COP1: variants seen among roughly 807,000 people sequenced by gnomAD.
COP1 encodes the protein COP1 E3 ubiquitin ligase.
Under a neutral mutation model 101.3 loss-of-function variants are expected in COP1, and 24 were observed. The observed-to-expected ratio is 0.24, with a 90% confidence interval of 0.17 to 0.33. The LOEUF (loss-of-function observed/expected upper bound fraction) is 0.33, where lower values mean the gene tolerates loss of function less well. Among genes scored for constraint, COP1 ranks in the 10% least tolerant of loss-of-function variants. COP1 has a pLI of 1.00. For missense variants in COP1, 663 were observed against 906.2 expected, an observed-to-expected ratio of 0.73 and a Z score of 3.45; for synonymous variants, 347 against 341.9, an observed-to-expected ratio of 1.01 and a Z score of -0.17.
chr1:176,085,410 GTTCT>G (rs1233054462), intron 10 of COP1, among the ~76,000 whole-genome samples: 1 of 152,128 alleles, frequency 6.6e-6, no homozygotes, highest in Non-Finnish European at 1.5e-5. Flanking sequence ...ACAGAAACCA[GTTCT>G]TTCATCTTTT....
In COP1 at chr1:176,164,704, C is replaced by T. The variant is rs945740799; in HGVS notation, c.566-813G>A. On this transcript the variant is annotated intron_variant, in intron 3 of 19. Transcript: ENST00000367669. ...GAACAAGAGAAAGAACCTGACAATA[C>T]CACTGAACCACTGATAACTAGTTCT... is the stretch of plus-strand genomic sequence containing the variant. Among the ~76,000 whole-genome samples, 9 of 152,292 alleles carry T rather than the reference C, an allele frequency of 5.9e-5. 1 individual carries two copies. In the Middle Eastern group the frequency reaches 0.01, roughly 173 times the overall value.
chr1:176,113,925 T>C (rs1318300547), intron 9 of COP1, among the ~76,000 whole-genome samples: 7 of 146,204 alleles, frequency 4.8e-5, no homozygotes, highest in African/African-American at 1.0e-4. Flanking sequence ...GCAGCAACCA[T>C]TCACATTGGT....
intron 1 of COP1, among the ~76,000 whole-genome samples, chr1:176,204,382 T>C (rs771680634): frequency 2.0e-5 from 3 of 152,020 alleles, no homozygotes; most frequent in Non-Finnish European, 4.4e-5. Context: ...TATAAAAGCA[T>C]AGAATAATTT....
chr1:176,068,767 TAATTG>T (rs1361227087), intron 11 of COP1, among the ~76,000 whole-genome samples: 3 of 152,240 alleles, frequency 2.0e-5, no homozygotes, highest in African/African-American at 7.2e-5. Context: ...GTAGTCTATA[TAATTG>T]AATATATGTG....
chr1:176,066,005 C>G (rs1675894517), intron 11 of COP1, among the ~76,000 whole-genome samples: 1 of 152,092 alleles, frequency 6.6e-6, no homozygotes, highest in African/African-American at 2.4e-5. Context: ...GGATTACAGG[C>G]ATGAGCCACC....
intron 11 of COP1, among the ~76,000 whole-genome samples, chr1:176,075,918 G>T (rs145409927): frequency 4.1e-5 from 6 of 147,908 alleles, no homozygotes; most frequent in Non-Finnish European, 8.9e-5. Context: ...CAGGAAAATC[G>T]CTTGAACCTG....
chr1:175,995,362 A>G, intron 15 of COP1, among the ~76,000 whole-genome samples: 1 of 152,222 alleles, frequency 6.6e-6, no homozygotes, highest in Non-Finnish European at 1.5e-5. Flanking sequence ...AAACACATTC[A>G]AAAGCTAGCA....
intron 1 of COP1, among the ~76,000 whole-genome samples, chr1:176,200,709 T>C (rs1000821083): frequency 2.0e-5 from 3 of 152,190 alleles, no homozygotes; most frequent in Admixed American, 6.5e-5. Flanking sequence ...AAAAACATGT[T>C]ACTCTCAGTG....
chr1:175,995,487 G>A (rs1480775685), intron 15 of COP1, among the ~76,000 whole-genome samples: 1 of 152,048 alleles, frequency 6.6e-6, no homozygotes, highest in African/African-American at 2.4e-5. Flanking sequence ...CAACAAAATT[G>A]ATAGACCACT....
intron 15 of COP1, among the ~76,000 whole-genome samples, chr1:176,000,725 G>A (rs1038476699): frequency 3.3e-5 from 5 of 150,636 alleles, no homozygotes; most frequent in Non-Finnish European, 7.4e-5. Context: ...TACATGCAAT[G>A]TTGCTTTTTT....
chr1:176,201,009 T>G (rs745325722), intron 1 of COP1, among the ~76,000 whole-genome samples: 17 of 152,272 alleles, frequency 1.1e-4, no homozygotes, highest in Middle Eastern at 6.8e-3. Context: ...TTTTATTTGG[T>G]ATACAGGTTG....
chr1:176,164,191 T>C (rs1214635214), intron 3 of COP1, among the ~76,000 whole-genome samples: 2 of 152,208 alleles, frequency 1.3e-5, no homozygotes, highest in Non-Finnish European at 2.9e-5. Flanking sequence ...TCATTCACCA[T>C]GTGAGACCAT....
At chr1:176,189,807 A>G (rs1451423408) in intron 1 of COP1, among the ~76,000 whole-genome samples, 1 of 152,104 alleles carries the variant, frequency 6.6e-6, no homozygotes, top group East Asian at 1.9e-4. Flanking sequence ...AAAACAAACA[A>G]CAATCATAAT....
chr1:176,056,462 A>G (rs1386263046), intron 11 of COP1, among the ~76,000 whole-genome samples: 1 of 152,178 alleles, frequency 6.6e-6, no homozygotes, highest in Non-Finnish European at 1.5e-5. Flanking sequence ...GATACTTACA[A>G]TTAGACTTAA....
At chr1:176,197,727 A>G (rs1435235408) in intron 1 of COP1, among the ~76,000 whole-genome samples, 1 of 152,228 alleles carries the variant, frequency 6.6e-6, no homozygotes, top group Admixed American at 6.5e-5. Flanking sequence ...AAAAGATGTA[A>G]AAGTATATTC....
At chr1:176,035,638 C>G (rs1462677210) in intron 14 of COP1, among the ~76,000 whole-genome samples, 1 of 102,276 alleles carries the variant, frequency 9.8e-6, no homozygotes, top group Non-Finnish European at 2.0e-5. Context: ...ACACTTAACA[C>G]AAAAAAGGTA....
intron 4 of COP1, among the ~76,000 whole-genome samples, 186 bp downstream of exon 4, chr1:176,163,629 A>G (rs1301883344): frequency 1.3e-5 from 2 of 152,220 alleles, no homozygotes; most frequent in Non-Finnish European, 2.9e-5. Context: ...TCAAAATAGG[A>G]TCACTCTAGT....
At position 176,056,534 on chromosome 1, in the gene COP1, A is replaced by G. The variant is rs143889005; in HGVS notation, c.1278-10210T>C. Among the ~76,000 whole-genome samples the G allele has an allele frequency of 2.6e-3, 399 of 152,214 alleles. 3 individuals are homozygous for G. Among genetic ancestry groups the G allele is most frequent in the African/African-American group, 9.2e-3 (381 of 41,528 alleles). Reference sequence around the variant, plus strand: ...GGCGTGTGTGTGTGTGTGTAAGACAAAGAGAGATTGATCTAATGCTTTCTA... The same window carrying G: ...GGCGTGTGTGTGTGTGTGTAAGACAGAGAGAGATTGATCTAATGCTTTCTA... On this transcript the variant is annotated intron_variant, in intron 11 of 19. Transcript: ENST00000367669.
chr1:176,161,807 T>A (rs1694370246), intron 5 of COP1, among the ~76,000 whole-genome samples: 1 of 152,062 alleles, frequency 6.6e-6, no homozygotes, highest in African/African-American at 2.4e-5. Flanking sequence ...CCCAAACAGA[T>A]ATAACATGGG....
Sources: allele counts gnomAD v4.1 joint callset (sites outside exome capture counted in the v4.1 genomes callset), GRCh38; gene constraint gnomAD v4.1.1; transcripts MANE v1.5; gene names NCBI Gene and HGNC (gene_info 2026-07-23, HGNC 2026-07-21).